UTY: variants seen among roughly 807,000 people sequenced by gnomAD.
UTY encodes histone demethylase UTY.
Under a neutral mutation model 32.5 loss-of-function variants are expected in UTY, and 12 were observed. The observed-to-expected ratio is 0.37, with a 90% CI of 0.24 to 0.60. The LOEUF (loss-of-function observed/expected upper bound fraction) is 0.60. UTY is among the 20% of genes least tolerant of loss of function. The pLI, the probability that UTY is intolerant of heterozygous loss-of-function variation, is 0.69. For synonymous variants in UTY, 131 were observed against 103.4 expected (o/e 1.27, Z -1.62); for missense variants, 303 against 299.2 (o/e 1.01, Z -0.09).
chrY:13,381,621 A>G, intron 8 of UTY, among the ~76,000 whole-genome samples: 1 of 34,537 alleles, frequency 2.9e-5, no homozygotes, highest in Non-Finnish European at 7.2e-5. Flanking sequence ...GAAACAAGTC[A>G]GAGACAAAAA....
At chrY:13,426,442 T>C (rs2073277366) in intron 4 of UTY, among the ~76,000 whole-genome samples, 1 of 33,333 alleles carries the variant, frequency 3.0e-5, no homozygotes, top group Non-Finnish European at 7.5e-5. Flanking sequence ...AATAATTTCA[T>C]AATGCTAGAG....
intron 27 of UTY, among the ~76,000 whole-genome samples, chrY:13,292,122 T>G: frequency 3.1e-5 from 1 of 32,123 alleles, no homozygotes; most frequent in Non-Finnish European, 7.6e-5. Context: ...GAGAGAAGAC[T>G]CCAACAAAAT....
At chrY:13,452,646 T>C (rs780590647) in intron 3 of UTY, among the ~76,000 whole-genome samples, 1 of 33,404 alleles carries the variant, frequency 3.0e-5, no homozygotes, top group Admixed American at 2.7e-4. Flanking sequence ...GGTGGCACAA[T>C]GCACACAGAA....
At chrY:13,394,052 A>C (rs1031541509) in intron 7 of UTY, among the ~76,000 whole-genome samples, 159 bp from the exon 8 acceptor site, 50 of 33,851 alleles carry the variant, frequency 1.5e-3, no homozygotes, top group Non-Finnish European at 2.4e-3. Context: ...CAGAATGCAA[A>C]ATTAACAAAC....
chrY:13,467,665 GGA>G (rs2078041805), intron 3 of UTY, among the ~76,000 whole-genome samples: 1 of 31,448 alleles, frequency 3.2e-5, no homozygotes, highest in Non-Finnish European at 7.7e-5. Flanking sequence ...GCTACTCAGG[GGA>G]GACTGAGGCA....
At chrY:13,467,435 G>A (rs2078013588) in intron 3 of UTY, among the ~76,000 whole-genome samples, 1 of 33,811 alleles carries the variant, frequency 3.0e-5, no homozygotes, top group Non-Finnish European at 7.3e-5. Context: ...TTTTTAAATA[G>A]AAAATGTGAC....
At chrY:13,413,680 C>T (rs2071284356) in intron 5 of UTY, among the ~76,000 whole-genome samples, 2 of 34,865 alleles carry the variant, frequency 5.7e-5, no homozygotes, top group African/African-American at 1.1e-4. Flanking sequence ...GCACCCAAGG[C>T]GGAAGCCGCT....
At chrY:13,345,567 A>G in intron 17 of UTY, among the ~76,000 whole-genome samples, 1 of 34,357 alleles carries the variant, frequency 2.9e-5, no homozygotes. Context: ...CATGCACAGT[A>G]TAAGTTTAAT....
Position 13,366,290 on chromosome Y carries a change from G to T in UTY, c.843C>A (p.Gly281=). 2.5e-6 allele frequency: 1 copy of T among 393,032 alleles called. No homozygotes were observed. Among genetic ancestry groups the T allele is most frequent in the Non-Finnish European group, 3.6e-6 (1 of 280,664 alleles). ...ACCTTCCAAGAAAATACCACGATTG[G>T]CCAGAATTAGGATCTGCCTCCAAAG... is the stretch of plus-strand genomic sequence containing the variant. ...QKSLEADPNS[G]QSWYFLGRCY... is the part of the protein sequence containing the mutation. Residue 281 remains glycine, a synonymous_variant, in exon 10 of 30, where the codon GGC becomes GGA. Transcript: ENST00000545955.
At chrY:13,245,397 C>T (rs762480464), downstream of UTY, among the ~76,000 whole-genome samples, 67 of 34,107 alleles carry the variant, frequency 2.0e-3, no homozygotes, top group South Asian at 6.5e-3. Context: ...GTACTCTCCT[C>T]ACTTGTAGAT....
At chrY:13,345,061 C>T in intron 17 of UTY, among the ~76,000 whole-genome samples, 1 of 33,483 alleles carries the variant, frequency 3.0e-5, no homozygotes, top group African/African-American at 1.2e-4. Context: ...ACATCCCTTC[C>T]AACCTGGAAA....
At chrY:13,353,138 G>C in intron 17 of UTY, among the ~76,000 whole-genome samples, 1 of 34,191 alleles carries the variant, frequency 2.9e-5, no homozygotes, top group South Asian at 6.5e-4. Context: ...TCTAACTAGA[G>C]AGAAGTTAAC....
At chrY:13,287,124 T>A (rs2057433564) in intron 27 of UTY, 14 of 353,201 alleles carry the variant, frequency 4.0e-5, no homozygotes, top group Non-Finnish European at 5.7e-5. Flanking sequence ...CTATTGTGGG[T>A]GTAAAGCCAC....
chrY:13,291,665 A>C, intron 27 of UTY, among the ~76,000 whole-genome samples: 1 of 33,074 alleles, frequency 3.0e-5, no homozygotes, highest in Non-Finnish European at 7.4e-5. Flanking sequence ...TTACCTATGC[A>C]ACAAACCTGC....
At chrY:13,461,823 C>T (rs2077394064) in intron 3 of UTY, among the ~76,000 whole-genome samples, 1 of 32,843 alleles carries the variant, frequency 3.0e-5, no homozygotes, top group Non-Finnish European at 7.5e-5. Context: ...TTAGTAGAGA[C>T]GAGGTTTACC....
intron 3 of UTY, among the ~76,000 whole-genome samples, chrY:13,453,066 C>T (rs964946367): frequency 3.0e-5 from 1 of 33,788 alleles, no homozygotes; most frequent in Non-Finnish European, 7.3e-5. Flanking sequence ...CGATGACTCA[C>T]ACTTCCCAGT....
At chrY:13,346,229 C>T in intron 17 of UTY, among the ~76,000 whole-genome samples, 1 of 33,020 alleles carries the variant, frequency 3.0e-5, no homozygotes, top group Non-Finnish European at 7.4e-5. Context: ...ATACTAAAGC[C>T]AAATATGCCT....
intron 6 of UTY, among the ~76,000 whole-genome samples, chrY:13,407,843 G>A: frequency 6.1e-5 from 2 of 32,759 alleles, no homozygotes; most frequent in African/African-American, 2.4e-4. Context: ...GATCTACTGC[G>A]AAAACTACCT....
chrY:13,386,972 C>T, intron 8 of UTY, among the ~76,000 whole-genome samples: 1 of 33,263 alleles, frequency 3.0e-5, no homozygotes, highest in Non-Finnish European at 7.4e-5. Flanking sequence ...GCCCTCCAAC[C>T]TGGGTGACAG....
Sources: allele counts gnomAD v4.1 joint callset (sites outside exome capture counted in the v4.1 genomes callset), GRCh38; gene constraint gnomAD v4.1.1; transcripts MANE v1.5; gene names NCBI Gene and HGNC (gene_info 2026-07-23, HGNC 2026-07-21).